The following NRXN1 variants were observed in gnomAD, a reference collection of about 807,000 sequenced individuals.
NRXN1 encodes the protein neurexin-1.
In NRXN1, 39 loss-of-function variants were observed where a neutral mutation model predicts 150.9. The observed-to-expected ratio is 0.26, with a 90% confidence interval of 0.20 to 0.34. NRXN1 has a LOEUF of 0.34. Ranked by LOEUF, NRXN1 falls within the 10% of genes least tolerant of loss-of-function variation. The pLI is 1.00. For synonymous variants in NRXN1, 924 were observed against 757.0 expected (o/e 1.22, Z -3.62); for missense variants, 1,815 against 1,949.9 (o/e 0.93, Z 1.30).
At chr2:50,812,581 C>T (rs2105772203) in intron 5 of NRXN1, among the ~76,000 whole-genome samples, 1 of 151,878 alleles carries the variant, frequency 6.6e-6, no homozygotes. Flanking sequence ...GTATACATGA[C>T]TATAATTCAC....
At chr2:50,079,122 T>A (rs1038022655) in intron 19 of NRXN1, among the ~76,000 whole-genome samples, 1 of 152,120 alleles carries the variant, frequency 6.6e-6, no homozygotes, top group Non-Finnish European at 1.5e-5. Context: ...CTTGTTTATA[T>A]CTCTATGGGT....
chr2:50,461,576 C>T (rs748460962), intron 17 of NRXN1, among the ~76,000 whole-genome samples: 5 of 151,734 alleles, frequency 3.3e-5, no homozygotes, highest in East Asian at 1.9e-4. Context: ...TGATGGTGGA[C>T]GAATGTGTAA....
intron 8 of NRXN1, among the ~76,000 whole-genome samples, chr2:50,569,425 C>A (rs1351748650): frequency 6.6e-6 from 1 of 151,778 alleles, no homozygotes; most frequent in African/African-American, 2.4e-5. Flanking sequence ...TTAGTATGTA[C>A]TCAGAAAAAT....
chr2:50,505,066 T>C (rs1196102292), intron 13 of NRXN1, among the ~76,000 whole-genome samples: 1 of 152,154 alleles, frequency 6.6e-6, no homozygotes, highest in African/African-American at 2.4e-5. Context: ...CTATGTAACA[T>C]ATCACCCTCT....
intron 17 of NRXN1, among the ~76,000 whole-genome samples, chr2:50,374,708 T>A (rs1390959703): frequency 6.6e-6 from 1 of 152,174 alleles, no homozygotes; most frequent in East Asian, 1.9e-4. Context: ...GTGATCTTTA[T>A]GTGATGAAAT....
At chr2:50,526,984 T>C (rs1234652817) in intron 12 of NRXN1, among the ~76,000 whole-genome samples, 2 of 152,162 alleles carry the variant, frequency 1.3e-5, no homozygotes, top group Admixed American at 1.3e-4. Flanking sequence ...ACTATAAACA[T>C]ACATTTAAAA....
intron 8 of NRXN1, among the ~76,000 whole-genome samples, chr2:50,594,715 T>C (rs187843514): frequency 1.3e-5 from 2 of 152,284 alleles, no homozygotes; most frequent in Non-Finnish European, 2.9e-5. Flanking sequence ...TAGTTATTGA[T>C]TCTATTCACG....
intron 5 of NRXN1, among the ~76,000 whole-genome samples, chr2:50,768,714 AGGGATAGCTG>A (rs1389518141): frequency 2.0e-5 from 3 of 152,012 alleles, no homozygotes; most frequent in Non-Finnish European, 4.4e-5. Flanking sequence ...GCTATGTGGA[AGGGATAGCTG>A]GTTGCAGCTG....
At chr2:50,103,982 CT>C (rs2152714318) in intron 18 of NRXN1, among the ~76,000 whole-genome samples, 1 of 152,052 alleles carries the variant, frequency 6.6e-6, no homozygotes, top group Non-Finnish European at 1.5e-5. Flanking sequence ...TTCCTTCTGC[CT>C]GGTTAGCTGT....
At chr2:50,990,801 C>G (rs1044751321) in intron 2 of NRXN1, among the ~76,000 whole-genome samples, 5 of 151,994 alleles carry the variant, frequency 3.3e-5, no homozygotes, top group Non-Finnish European at 7.4e-5. Context: ...GGCCAAGGAG[C>G]TGAAGTGTCG....
chr2:50,322,479 GACA>G (rs1434543199), intron 17 of NRXN1, among the ~76,000 whole-genome samples: 2 of 152,226 alleles, frequency 1.3e-5, no homozygotes, highest in African/African-American at 4.8e-5. Flanking sequence ...ACAAGGAATT[GACA>G]ACAATGATTT....
At chr2:50,837,690 T>C (rs918817519) in intron 5 of NRXN1, among the ~76,000 whole-genome samples, 6 of 152,080 alleles carry the variant, frequency 3.9e-5, no homozygotes, top group African/African-American at 1.4e-4. Flanking sequence ...TTATATGAGA[T>C]GCATACAAAA....
At chr2:50,084,563 C>A (rs1461623896) in intron 19 of NRXN1, among the ~76,000 whole-genome samples, 1 of 152,198 alleles carries the variant, frequency 6.6e-6, no homozygotes, top group Non-Finnish European at 1.5e-5. Context: ...GCGCCGCACG[C>A]AGCCCCGGTT....
chr2:50,552,976 T>A lies in NRXN1; in HGVS notation c.1370A>T (p.Lys457Met). 1 of 1,613,404 alleles carries A rather than the reference T, an allele frequency of 6.2e-7. No homozygotes were observed. Among genetic ancestry groups the A allele is most frequent in the Non-Finnish European group, 8.5e-7 (1 of 1,179,528 alleles). The change falls in exon 9 of 23, where the codon AAG (lysine) becomes ATG (methionine). Residue 457 changes from lysine (K) to methionine (M), a missense_variant. Around this residue, in one of 6 missense-constraint regions of NRXN1, gnomAD observed 638 missense variants for 652.6 expected, o/e 0.98. Coordinates refer to ENST00000401669, the MANE Select transcript of NRXN1 (RefSeq NM_001330078.2). Reference sequence around the variant, plus strand: ...GATCTTCATCTTAGGATCTCCTTGCTTGGCAAGTCGAGATAATTCCAGCCT... The same window carrying A: ...GATCTTCATCTTAGGATCTCCTTGCATGGCAAGTCGAGATAATTCCAGCCT... ...DVRLELSRLAKQGDPKMKIHG... is the reference protein window; with the variant it reads ...DVRLELSRLAMQGDPKMKIHG...
intron 5 of NRXN1, among the ~76,000 whole-genome samples, chr2:50,902,814 T>C (rs1683140799): frequency 6.6e-6 from 1 of 152,182 alleles, no homozygotes; most frequent in South Asian, 2.1e-4. Context: ...TTATCTCAGA[T>C]AGTTATTATA....
At chr2:50,662,461 A>G (rs1052343422) in intron 5 of NRXN1, among the ~76,000 whole-genome samples, 1 of 152,056 alleles carries the variant, frequency 6.6e-6, no homozygotes, top group Non-Finnish European at 1.5e-5. Context: ...TAATTAATAT[A>G]TTAGAAGGGT....
intron 19 of NRXN1, among the ~76,000 whole-genome samples, chr2:50,055,958 T>C (rs1013516611): frequency 2.6e-5 from 4 of 152,138 alleles, no homozygotes; most frequent in Non-Finnish European, 1.5e-5. Context: ...ACTGTTTAAA[T>C]TGACCTTGAA....
At chr2:50,302,515 G>A (rs1003429814) in intron 17 of NRXN1, among the ~76,000 whole-genome samples, 18 of 152,106 alleles carry the variant, frequency 1.2e-4, no homozygotes, top group Admixed American at 3.3e-4. Flanking sequence ...ACAATTAATT[G>A]CTAAGACCAA....
intron 5 of NRXN1, among the ~76,000 whole-genome samples, chr2:50,778,096 C>T (rs2105494273): frequency 6.6e-6 from 1 of 152,178 alleles, no homozygotes. Flanking sequence ...TGATCAGCTT[C>T]AGAGATACAG....
Sources: allele counts gnomAD v4.1 joint callset (sites outside exome capture counted in the v4.1 genomes callset), GRCh38; gene constraint gnomAD v4.1.1; regional missense constraint gnomAD v4.1.1; transcripts MANE v1.5; gene names NCBI Gene and HGNC (gene_info 2026-07-23, HGNC 2026-07-21).